Variants in POLR1E observed in about 807,000 individuals in gnomAD.
The protein encoded by POLR1E is DNA-directed RNA polymerase I subunit RPA49.
POLR1E carries 37 observed loss-of-function variants against 50.9 expected under a neutral mutation model. The observed-to-expected ratio is 0.73, with a 90% CI of 0.56 to 0.96. The LOEUF is 0.96. Among genes scored for constraint, POLR1E ranks in the 40% least tolerant of loss-of-function variants. POLR1E has a pLI of 0.00. For synonymous variants in POLR1E, 166 were observed against 191.6 expected (o/e 0.87, Z 1.10); for missense variants, 426 against 518.1 (o/e 0.82, Z 1.73).
chr9:37,490,728 A>C (rs1446921233), intron 4 of POLR1E: 1 of 671,778 alleles, frequency 1.5e-6, no homozygotes, highest in Non-Finnish European at 2.8e-6. Flanking sequence ...CCATGGTAAC[A>C]CTTGAGGGGC....
At position 37,498,325 on chromosome 9, in the gene POLR1E, T is replaced by TC. The variant is rs2119015699; in HGVS notation, c.886+103dup. On this transcript the variant is annotated intron_variant, in intron 9 of 11. Transcript: ENST00000377798. ...TGAGAGAAGAAAATGGATATGTCTG[T>TC]CCAAGTCTTTACTGTCAACTGTGAG... 5.4e-6 allele frequency: 7 copies of TC among 1,296,118 alleles called. No individual in the cohort carries two copies. In the South Asian group the frequency reaches 1.0e-4, roughly 19 times the overall value. 80.3% of individuals were successfully genotyped at this position (1,296,118 alleles called of 1,614,324 possible). A position where few individuals can be genotyped will look rare whatever the true frequency, so the allele number is the denominator to read the frequency against.
At chr9:37,489,809 G>C (rs765206304) in intron 4 of POLR1E, among the ~76,000 whole-genome samples, 5 of 152,156 alleles carry the variant, frequency 3.3e-5, no homozygotes, top group Non-Finnish European at 5.9e-5. Flanking sequence ...CTTGACCTCA[G>C]GTGATCCACC....
chr9:37,488,967 A>G (rs1385042166), intron 3 of POLR1E, among the ~76,000 whole-genome samples: 1 of 152,184 alleles, frequency 6.6e-6, no homozygotes, highest in Non-Finnish European at 1.5e-5. Context: ...GGCCAGGTGC[A>G]GTGGCTCACG....
At chr9:37,492,247 A>G (rs1389255764) in intron 4 of POLR1E, 2 of 1,288,140 alleles carry the variant, frequency 1.6e-6, no homozygotes, top group Non-Finnish European at 2.0e-6. Context: ...AGCATCGGTA[A>G]GTACCACATA....
chr9:37,493,041 A>G (rs564638294), intron 5 of POLR1E, among the ~76,000 whole-genome samples: 20 of 152,366 alleles, frequency 1.3e-4, no homozygotes, highest in African/African-American at 4.6e-4. Context: ...GCCTGAAAAC[A>G]TTCACGTTAA....
At position 37,486,686 on chromosome 9, in the gene POLR1E, G is replaced by A; in HGVS notation, c.77-17G>A. The A allele has an allele frequency of 6.2e-7, 1 of 1,614,184 alleles. No homozygotes were observed. Among genetic ancestry groups the A allele is most frequent in the Non-Finnish European group, 8.5e-7 (1 of 1,180,044 alleles). ...GGCCTTCTGCTCTCATCTCATTCTT[G>A]GGCTGCACTCTTACAGTCCAGTTCT... is the stretch of plus-strand genomic sequence containing the variant. On this transcript the variant is annotated splice_polypyrimidine_tract_variant and intron_variant, in intron 1 of 11. Transcript: ENST00000377798.
intron 6 of POLR1E, 122 bp from the exon 7 acceptor site, chr9:37,495,047 G>T: frequency 2.5e-6 from 2 of 796,502 alleles, no homozygotes; most frequent in South Asian, 1.5e-5. Context: ...AGGTCACTTT[G>T]GCAGAAGCAT....
At chr9:37,495,754 C>A in intron 7 of POLR1E, 136 bp from the exon 8 acceptor site, 1 of 636,564 alleles carries the variant, frequency 1.6e-6, no homozygotes, top group Non-Finnish European at 2.9e-6. Flanking sequence ...CAAGCTCTGC[C>A]CCTATGTGAT....
chr9:37,493,821 C>T (rs1820738705), intron 6 of POLR1E, 118 bp downstream of exon 6: 2 of 1,133,028 alleles, frequency 1.8e-6, no homozygotes, highest in South Asian at 4.5e-5. Flanking sequence ...TCCTTTCAGC[C>T]TCTTGCTGAA....
chr9:37,486,625 G>T, intron 1 of POLR1E, 78 bp from the exon 2 acceptor site: 1 of 1,614,134 alleles, frequency 6.2e-7, no homozygotes, highest in Non-Finnish European at 8.5e-7. Flanking sequence ...CCCAGTGACA[G>T]TCTAGTCCCA....
intron 2 of POLR1E, among the ~76,000 whole-genome samples, chr9:37,487,174 C>T (rs997236333): frequency 2.0e-5 from 3 of 152,208 alleles, no homozygotes; most frequent in Admixed American, 1.3e-4. Context: ...AGTCTCTACT[C>T]ATTAGATGCC....
chr9:37,490,405 A>AT (rs1387629382), intron 4 of POLR1E: 19 of 741,096 alleles, frequency 2.6e-5, no homozygotes, highest in South Asian at 8.4e-5. Flanking sequence ...GAGGTCTTTC[A>AT]TTTTTTAAAC....
rs777438691 is a variant in POLR1E at position 37,493,553 on chromosome 9, A to G, written c.403-6A>G. 4.4e-6 allele frequency: 7 copies of G among 1,591,846 alleles called. No homozygotes were observed. In the South Asian group the frequency reaches 8.0e-5, roughly 18 times the overall value. ...TCCCCAGTAACCAGGTTTATCTCAT[A>G]AACAGATGGATTCTTGTATTGAAGC... On this transcript the variant is annotated splice_polypyrimidine_tract_variant and splice_region_variant and intron_variant, in intron 5 of 11. Coordinates refer to ENST00000377798, the MANE Select transcript of POLR1E (RefSeq NM_022490.4).
Position 37,495,939 on chromosome 9 carries a change from C to A in POLR1E, c.705C>A (p.Phe235Leu). Reference sequence around the variant, plus strand: ...CTCTTCAGAGCCCATCTGAAGCTTTCAGGAACGTCACGTCAGAAGAAATAC... The same window carrying A: ...CTCTTCAGAGCCCATCTGAAGCTTTAAGGAACGTCACGTCAGAAGAAATAC... The part of the protein sequence containing the change: ...YEALQSPSEA[F>L]RNVTSEEILK... The change falls in exon 8 of 12, where the codon TTC becomes TTA. Residue 235 changes from phenylalanine (F) to leucine (L), a missense_variant. By Grantham distance (22) the Phe-to-Leu change is conservative. Coordinates refer to ENST00000377798, the MANE Select transcript of POLR1E (RefSeq NM_022490.4). 1 of 1,614,102 alleles carries A rather than the reference C, an allele frequency of 6.2e-7. No individual in the cohort carries two copies. The highest frequency in any genetic ancestry group is 8.5e-7 in the Non-Finnish European group (1 of 1,179,952).
intron 8 of POLR1E, among the ~76,000 whole-genome samples, chr9:37,496,623 C>CTTTTTTTTTTTTTTTTTTTTTTTTTTT (rs376455174): frequency 8.9e-6 from 1 of 112,482 alleles, no homozygotes. Context: ...ATTATTATTT[C>CTTTTTTTTTTTTTTTTTTTTTTTTTTT]TTTTTTTTTT....
chr9:37,493,759 C>T, intron 6 of POLR1E, 56 bp downstream of exon 6: 1 of 1,398,008 alleles, frequency 7.2e-7, no homozygotes, highest in Non-Finnish European at 9.4e-7. Context: ...TTTCTCTTCT[C>T]TTGAGATCTT....
chr9:37,502,446 C>T (rs1284414135), intron 11 of POLR1E, among the ~76,000 whole-genome samples: 1 of 152,156 alleles, frequency 6.6e-6, no homozygotes, highest in Non-Finnish European at 1.5e-5. Flanking sequence ...GTGGAGGTGA[C>T]CTTTTAGGCT....
chr9:37,496,033 C>T, intron 8 of POLR1E, 47 bp downstream of exon 8: 1 of 1,435,904 alleles, frequency 7.0e-7, no homozygotes, highest in East Asian at 2.3e-5. Context: ...GCTGTTGGGA[C>T]CCAACAGTAG....
chr9:37,502,995 A>T lies in POLR1E; in HGVS notation c.1101-48A>T, dbSNP rs545877077. 4.5e-6 allele frequency: 7 copies of T among 1,541,890 alleles called. 1 individual carries two copies. In the South Asian group the frequency reaches 7.5e-5, roughly 17 times the overall value. ...TACCTTTTGCCAAACCTCCCTGAACAGTCATGTTGAGGGGTCTCTCCAGTT... is the reference window on the plus strand; with the variant it reads ...TACCTTTTGCCAAACCTCCCTGAACTGTCATGTTGAGGGGTCTCTCCAGTT... On this transcript the variant is annotated intron_variant, in intron 11 of 11. Transcript: ENST00000377798.
Sources: allele counts gnomAD v4.1 joint callset (sites outside exome capture counted in the v4.1 genomes callset), GRCh38; gene constraint gnomAD v4.1.1; transcripts MANE v1.5; gene names NCBI Gene and HGNC (gene_info 2026-07-23, HGNC 2026-07-21).